MMP16: variants seen among roughly 807,000 people sequenced by gnomAD.
MMP16 encodes matrix metallopeptidase 16, also known as matrix metalloproteinase-16.
MMP16 carries 12 observed loss-of-function variants against 67.8 expected under a neutral mutation model. The ratio of observed to expected loss-of-function variants is 0.18; its 90% confidence interval spans 0.11 to 0.29. The LOEUF is 0.29. Ranked by LOEUF, MMP16 falls within the 10% of genes least tolerant of loss-of-function variation. MMP16 has a pLI of 1.00. For missense variants in MMP16, 475 were observed against 765.7 expected (o/e 0.62, Z 4.48); for synonymous variants, 249 against 255.9 (o/e 0.97, Z 0.26).
At chr8:88,104,662 C>A (rs939772088) in intron 6 of MMP16, among the ~76,000 whole-genome samples, 1 of 151,448 alleles carries the variant, frequency 6.6e-6, no homozygotes, top group Non-Finnish European at 1.5e-5. Flanking sequence ...CCATATTACA[C>A]GTTTTATCAT....
chr8:88,321,206 C>T (rs1811455298), intron 1 of MMP16, among the ~76,000 whole-genome samples: 1 of 151,858 alleles, frequency 6.6e-6, no homozygotes, highest in African/African-American at 2.4e-5. Flanking sequence ...GAACACATGC[C>T]CAAATTATTT....
At chr8:88,070,032 CTTCTGTTTTAT>C (rs1329747580) in intron 7 of MMP16, among the ~76,000 whole-genome samples, 1 of 152,080 alleles carries the variant, frequency 6.6e-6, no homozygotes, top group Non-Finnish European at 1.5e-5. Flanking sequence ...TACAGTTTTA[CTTCTGTTTTAT>C]ATCAATCAGA....
chr8:88,115,928 T>TA (rs962326128), intron 6 of MMP16, among the ~76,000 whole-genome samples: 1 of 152,054 alleles, frequency 6.6e-6, no homozygotes, highest in African/African-American at 2.4e-5. Context: ...TGTAGCCTTT[T>TA]AAAAAAATAA....
intron 1 of MMP16, among the ~76,000 whole-genome samples, chr8:88,289,236 T>G (rs528406183): frequency 6.6e-6 from 1 of 151,964 alleles, no homozygotes; most frequent in Non-Finnish European, 1.5e-5. Context: ...AACTGCAGAG[T>G]AAAAAGATTA....
At chr8:88,215,222 C>G (rs1381392990) in intron 1 of MMP16, among the ~76,000 whole-genome samples, 2 of 151,784 alleles carry the variant, frequency 1.3e-5, no homozygotes, top group Non-Finnish European at 2.9e-5. Flanking sequence ...CCCAGCTACT[C>G]AGGAGGCTGA....
intron 1 of MMP16, among the ~76,000 whole-genome samples, chr8:88,282,422 T>C (rs1810756758): frequency 1.3e-5 from 2 of 152,226 alleles, no homozygotes; most frequent in Admixed American, 6.5e-5. Context: ...GTATAGTGAA[T>C]TGAAAACTGT....
chr8:88,304,288 AG>A (rs1243262103), intron 1 of MMP16, among the ~76,000 whole-genome samples: 2 of 152,180 alleles, frequency 1.3e-5, no homozygotes, highest in Non-Finnish European at 2.9e-5. Context: ...TGAGAAATAT[AG>A]GATTATGTAA....
intron 4 of MMP16, among the ~76,000 whole-genome samples, chr8:88,162,744 T>G (rs775007433): frequency 6.6e-5 from 10 of 151,996 alleles, no homozygotes; most frequent in Non-Finnish European, 1.5e-4. Flanking sequence ...ATCTGGTTGT[T>G]GAAAAGTGTG....
At chr8:88,123,868 C>G (rs1392591934) in intron 4 of MMP16, among the ~76,000 whole-genome samples, 1 of 151,922 alleles carries the variant, frequency 6.6e-6, no homozygotes, top group Non-Finnish European at 1.5e-5. Context: ...CCTCCAGTAT[C>G]TCAAAGTGCT....
At chr8:88,127,303 G>C (rs1353377341) in intron 4 of MMP16, among the ~76,000 whole-genome samples, 1 of 151,802 alleles carries the variant, frequency 6.6e-6, no homozygotes, top group Admixed American at 6.6e-5. Context: ...TTTGGCCTCA[G>C]TATGCAAATA....
At position 88,116,530 on chromosome 8, in the gene MMP16, G is replaced by A; in HGVS notation, c.1060C>T (p.Arg354Cys). The A allele has an allele frequency of 1.9e-6, 3 of 1,613,376 alleles. No homozygotes were observed. The highest frequency in any genetic ancestry group is 2.5e-6 in the Non-Finnish European group (3 of 1,179,676). The change falls in exon 6 of 10, where the codon CGT becomes TGT. Residue 354 changes from arginine to cysteine, a missense_variant. This residue lies in a region of MMP16 where 195 missense variants were observed against 300.9 expected (regional missense o/e 0.65). Coordinates refer to ENST00000286614, the MANE Select transcript of MMP16 (RefSeq NM_005941.5). ...DGNFNTLAIL[R>C]REMFVFKDQW... ...ACCTTGAAAACAAACATCTCACGAC[G>A]AAGAATAGCTAGAGTGTTAAAGTTC...
intron 6 of MMP16, among the ~76,000 whole-genome samples, chr8:88,091,045 T>C (rs1386234951): frequency 6.6e-6 from 1 of 151,814 alleles, no homozygotes; most frequent in Non-Finnish European, 1.5e-5. Flanking sequence ...GGGGGCTTAG[T>C]GAACGTTATC....
At position 88,072,256 on chromosome 8, in the gene MMP16, AG is replaced by A. The variant is rs1207241241; in HGVS notation, c.1222+2348del. On this transcript the variant is annotated intron_variant, in intron 7 of 9. Coordinates refer to ENST00000286614, the MANE Select transcript of MMP16 (RefSeq NM_005941.5). Reference sequence around the variant, plus strand: ...GTGATTGTTGTGGTGAGGGTGGTGGAGGGGGTCATTTCACTTCAGAAGCCCA... The same window carrying A: ...GTGATTGTTGTGGTGAGGGTGGTGGAGGGGTCATTTCACTTCAGAAGCCCA... Among the ~76,000 whole-genome samples, 10 of 152,058 alleles carry A rather than the reference AG, an allele frequency of 6.6e-5. No individual in the cohort carries two copies. The East Asian group carries it at 9.7e-4, about 15-fold the overall frequency.
intron 1 of MMP16, among the ~76,000 whole-genome samples, chr8:88,206,829 A>C (rs891337996): frequency 2.0e-5 from 3 of 152,168 alleles, no homozygotes; most frequent in Admixed American, 1.3e-4. Context: ...TTAAAGATGA[A>C]GTTTTCAAGA....
intron 6 of MMP16, among the ~76,000 whole-genome samples, chr8:88,096,602 C>T (rs893257202): frequency 6.6e-6 from 1 of 151,738 alleles, no homozygotes; most frequent in African/African-American, 2.4e-5. Context: ...AGTCTTTCAT[C>T]TGAGGCCTTA....
chr8:88,153,168 G>A (rs1035634843), intron 4 of MMP16, among the ~76,000 whole-genome samples: 3 of 148,300 alleles, frequency 2.0e-5, no homozygotes, highest in African/African-American at 7.4e-5. Flanking sequence ...GGGATGTGAA[G>A]GACCTCTTCA....
At chr8:88,047,147 A>ATC (rs1229118500) in intron 8 of MMP16, among the ~76,000 whole-genome samples, 3 of 152,224 alleles carry the variant, frequency 2.0e-5, no homozygotes, top group African/African-American at 7.2e-5. Flanking sequence ...GCATATATAT[A>ATC]TCAGAGGTTT....
chr8:88,188,258 T>A (rs2129758518), intron 2 of MMP16, among the ~76,000 whole-genome samples: 1 of 152,350 alleles, frequency 6.6e-6, no homozygotes, highest in South Asian at 2.1e-4. Flanking sequence ...AAGTTGCTTT[T>A]ATATATGGGT....
At chr8:88,141,244 C>G (rs543991201) in intron 4 of MMP16, among the ~76,000 whole-genome samples, 25 of 152,250 alleles carry the variant, frequency 1.6e-4, no homozygotes, top group African/African-American at 5.8e-4. Context: ...GAAAATAACT[C>G]AGTAGAGTAG....
Sources: allele counts gnomAD v4.1 joint callset (sites outside exome capture counted in the v4.1 genomes callset), GRCh38; gene constraint gnomAD v4.1.1; regional missense constraint gnomAD v4.1.1; transcripts MANE v1.5; gene names NCBI Gene and HGNC (gene_info 2026-07-23, HGNC 2026-07-21).